Variants in KAZN observed in about 807,000 individuals in gnomAD.
KAZN encodes the protein kazrin.
Under a neutral mutation model 87.4 loss-of-function variants are expected in KAZN, and 40 were observed. That is an observed-to-expected ratio of 0.46 (90% CI 0.36 to 0.60). The LOEUF is 0.60. Among genes scored for constraint, KAZN ranks in the 20% least tolerant of loss-of-function variants. KAZN has a pLI of 0.00. For synonymous variants in KAZN, 466 were observed against 458.3 expected (o/e 1.02, Z -0.22); for missense variants, 898 against 1,073.9 (o/e 0.84, Z 2.29).
intron 1 of KAZN, among the ~76,000 whole-genome samples, chr1:14,683,153 C>T (rs995740927): frequency 1.3e-5 from 2 of 152,110 alleles, no homozygotes; most frequent in Non-Finnish European, 2.9e-5. Flanking sequence ...TCAGTGCCTT[C>T]CCAGGAACTG....
At chr1:14,027,487 C>T (rs1449724269) in intron 1 of KAZN, among the ~76,000 whole-genome samples, 1 of 151,908 alleles carries the variant, frequency 6.6e-6, no homozygotes, top group Admixed American at 6.6e-5. Flanking sequence ...CGGCTTCTGC[C>T]CCCCCGCCAC....
chr1:14,544,957 A>G (rs1673050541), intron 2 of KAZN, among the ~76,000 whole-genome samples: 1 of 151,954 alleles, frequency 6.6e-6, no homozygotes, highest in African/African-American at 2.4e-5. Context: ...TCTCCCTCCC[A>G]CCACACAGAG....
chr1:14,455,955 C>A (rs567571423), intron 2 of KAZN, among the ~76,000 whole-genome samples: 1 of 152,298 alleles, frequency 6.6e-6, no homozygotes, highest in Admixed American at 6.5e-5. Flanking sequence ...CAAGAGGCCA[C>A]AAGTCAGATG....
intron 1 of KAZN, among the ~76,000 whole-genome samples, chr1:13,945,779 C>T (rs575026031): frequency 2.7e-5 from 4 of 150,628 alleles, no homozygotes; most frequent in African/African-American, 7.3e-5. Flanking sequence ...TTTATGAAGC[C>T]GGTGCCTGGT....
At chr1:14,684,879 A>G (rs1202329104) in intron 1 of KAZN, among the ~76,000 whole-genome samples, 1 of 152,178 alleles carries the variant, frequency 6.6e-6, no homozygotes, top group African/African-American at 2.4e-5. Flanking sequence ...CCTTTTAAAT[A>G]CTATGCAAGG....
intron 1 of KAZN, among the ~76,000 whole-genome samples, chr1:14,937,246 A>G (rs1343968788): frequency 6.6e-6 from 1 of 152,256 alleles, no homozygotes; most frequent in Admixed American, 6.5e-5. Context: ...TTATAGGACC[A>G]GAGGAGAGCC....
chr1:14,018,237 T>C (rs553589983), intron 1 of KAZN, among the ~76,000 whole-genome samples: 1 of 152,274 alleles, frequency 6.6e-6, no homozygotes, highest in East Asian at 1.9e-4. Context: ...GTTTTTCTAG[T>C]GCTTATCTTC....
chr1:14,664,690 G>C (rs536981694), intron 1 of KAZN, among the ~76,000 whole-genome samples: 1 of 141,828 alleles, frequency 7.1e-6, no homozygotes, highest in Non-Finnish European at 1.5e-5. Flanking sequence ...GTCTCGCTCT[G>C]TCACCCAGGC....
Position 15,056,351 on chromosome 1 carries a change from G to A in KAZN, c.916+71G>A. The A allele has an allele frequency of 1.4e-6, 2 of 1,453,496 alleles. No individual in the cohort carries two copies. Among genetic ancestry groups the A allele is most frequent in the Non-Finnish European group, 1.9e-6 (2 of 1,076,234 alleles). 90.0% of individuals were successfully genotyped at this position (1,453,496 alleles called of 1,614,324 possible). On this transcript the variant is annotated intron_variant, in intron 5 of 14. Transcript: ENST00000376030. This position sits in a 1 kb window ranked among gnomAD's most constrained non-coding sequence, Gnocchi z 5.4. ...CACAGGAGGCCATCTGACCCAGTGGGAGAGGCAGCTGCTTTGTTCGTACTA... is the reference window on the plus strand; with the variant it reads ...CACAGGAGGCCATCTGACCCAGTGGAAGAGGCAGCTGCTTTGTTCGTACTA...
chr1:14,676,259 A>G (rs1640213261), intron 1 of KAZN, among the ~76,000 whole-genome samples: 1 of 152,226 alleles, frequency 6.6e-6, no homozygotes, highest in South Asian at 2.1e-4. Flanking sequence ...CTGCAAGGCC[A>G]AGCTGAAATG....
intron 1 of KAZN, among the ~76,000 whole-genome samples, chr1:14,157,361 G>T (rs773090589): frequency 6.6e-6 from 1 of 152,066 alleles, no homozygotes; most frequent in Non-Finnish European, 1.5e-5. Flanking sequence ...AGATGAAGCC[G>T]ACCTACTTTC....
At position 14,329,926 on chromosome 1, in the gene KAZN, C is replaced by G. The variant is rs185625411; in HGVS notation, c.249+149334C>G. Among the ~76,000 whole-genome samples, 522 of 152,240 alleles carry G rather than the reference C, an allele frequency of 3.4e-3. 4 individuals carry two copies. The highest frequency in any genetic ancestry group is 0.012 in the African/African-American group (490 of 41,550). On this transcript the variant is annotated intron_variant, in intron 2 of 16. Transcript: ENST00000636203. ...GGATCGTCTTCTAGGATGGAAGAGTCTAATTTCATAAAACATGCAATAAAT... is the reference window on the plus strand; with the variant it reads ...GGATCGTCTTCTAGGATGGAAGAGTGTAATTTCATAAAACATGCAATAAAT...
chr1:14,588,682 G>T (rs1676002161), intron 2 of KAZN, among the ~76,000 whole-genome samples: 1 of 152,166 alleles, frequency 6.6e-6, no homozygotes, highest in African/African-American at 2.4e-5. Context: ...TGCACACTTT[G>T]GTCTGATGCC....
At chr1:13,923,104 T>C (rs895677781) in intron 1 of KAZN, among the ~76,000 whole-genome samples, 4 of 152,176 alleles carry the variant, frequency 2.6e-5, no homozygotes, top group Admixed American at 6.5e-5. Flanking sequence ...AAAATCCATG[T>C]ATAACTTTTG....
exon 1 of KAZN, chr1:13,893,737 G>A (rs1638924859): frequency 1.3e-6 from 2 of 1,550,446 alleles, no homozygotes; most frequent in African/African-American, 1.4e-5. Context: ...TTGGTCAGCA[G>A]TGCCAACTTA....
chr1:14,239,522 G>A (rs368456663), intron 2 of KAZN, among the ~76,000 whole-genome samples: 4 of 145,720 alleles, frequency 2.7e-5, no homozygotes, highest in East Asian at 2.1e-4. Flanking sequence ...GTGCAATGGC[G>A]CAATCTCGGC....
intron 1 of KAZN, among the ~76,000 whole-genome samples, chr1:14,725,741 C>A (rs1369455228): frequency 6.6e-6 from 1 of 152,188 alleles, no homozygotes. Context: ...CCTGAGCCTC[C>A]CTTAGCTCAG....
At chr1:15,074,541 G>A (rs1639653854) in intron 8 of KAZN, among the ~76,000 whole-genome samples, 1 of 152,194 alleles carries the variant, frequency 6.6e-6, no homozygotes, top group African/African-American at 2.4e-5. Context: ...GGTAGAACAG[G>A]AAATAGGAAA....
intron 2 of KAZN, among the ~76,000 whole-genome samples, chr1:15,023,009 C>A (rs1449833717): frequency 6.6e-6 from 1 of 152,230 alleles, no homozygotes; most frequent in African/African-American, 2.4e-5. Context: ...AATGCCAGCT[C>A]CTAGAAATAG....
Sources: gnomAD v4.1 joint callset for allele counts (sites outside exome capture counted in the v4.1 genomes callset) on GRCh38, gnomAD v4.1.1 for gene constraint, Gnocchi (gnomAD v3.1) non-coding constraint, MANE v1.5 for transcripts, NCBI Gene and HGNC (gene_info 2026-07-23, HGNC 2026-07-21) for gene names.